CEACAM5: variants seen among roughly 807,000 people sequenced by gnomAD.
CEACAM5 encodes cell adhesion molecule CEACAM5.
In CEACAM5, 52 loss-of-function variants were observed where a neutral mutation model predicts 63.0. The ratio of observed to expected loss-of-function variants is 0.83; its 90% CI spans 0.66 to 1.04. CEACAM5 has a LOEUF of 1.04. Among genes scored for constraint, CEACAM5 ranks in the 50% least tolerant of loss-of-function variants. The pLI, the probability that CEACAM5 is intolerant of heterozygous loss-of-function variation, is 0.00. For synonymous variants in CEACAM5, 357 were observed against 351.3 expected (o/e 1.02, Z -0.18); for missense variants, 790 against 864.8 (o/e 0.91, Z 1.08).
At chr19:41,720,878 T>C (rs1204985919) in intron 7 of CEACAM5, 44 bp from the exon 8 acceptor site, 3 of 1,606,518 alleles carry the variant, frequency 1.9e-6, no homozygotes, top group Non-Finnish European at 2.6e-6. Context: ...AGCTTCCCCT[T>C]TCCTCTGATG....
intron 2 of CEACAM5, among the ~76,000 whole-genome samples, chr19:41,713,248 T>C (rs1261552585): frequency 6.6e-6 from 1 of 151,914 alleles, no homozygotes; most frequent in Non-Finnish European, 1.5e-5. Flanking sequence ...GAGGTTGCAG[T>C]GAGCTGAGAT....
At chr19:41,728,693 A>T (rs556584662) in intron 9 of CEACAM5, among the ~76,000 whole-genome samples, 21 of 149,488 alleles carry the variant, frequency 1.4e-4, no homozygotes, top group Middle Eastern at 6.8e-3. Context: ...AGGCTGAGGC[A>T]GGAGAATCGC....
intron 8 of CEACAM5, among the ~76,000 whole-genome samples, chr19:41,722,886 C>CT (rs1168806853): frequency 8.6e-5 from 13 of 151,022 alleles, no homozygotes; most frequent in African/African-American, 1.5e-4. Context: ...AATGTTAATT[C>CT]TTTTTTTTGT....
intron 2 of CEACAM5, among the ~76,000 whole-genome samples, chr19:41,712,057 C>T (rs1472365065): frequency 1.3e-5 from 2 of 152,096 alleles, no homozygotes; most frequent in South Asian, 2.1e-4. Flanking sequence ...GGCAGCAGGA[C>T]GGGAATGAGC....
Position 41,729,166 on chromosome 19 carries a change from A to G in CEACAM5, c.*37-18A>G, listed in dbSNP as rs1208124101. ...CAGATTTTTAACTGTACTCATTTTA[A>G]ATCTTTGTCATTCACAGACAGTTGT... On this transcript the variant is annotated intron_variant, in intron 9 of 9. Coordinates refer to ENST00000221992, the MANE Select transcript of CEACAM5 (RefSeq NM_004363.6). 5.3e-5 allele frequency: 8 copies of G among 152,168 alleles called. No individual in the cohort carries two copies. The highest frequency in any genetic ancestry group is 1.9e-4 in the African/African-American group (8 of 41,442). The allele number at this position is 152,168 out of a possible 1,614,324, so 9.4% of individuals were successfully genotyped here.
chr19:41,715,885 C>A lies in CEACAM5; in HGVS notation c.939C>A (p.Val313=). 1 of 1,614,102 alleles carries A rather than the reference C, an allele frequency of 6.2e-7. No individual in the cohort carries two copies. The highest frequency in any genetic ancestry group is 8.5e-7 in the Non-Finnish European group (1 of 1,179,956). The change falls in exon 4 of 10, where the codon GTC becomes GTA. Residue 313 remains valine, a synonymous_variant. Coordinates refer to ENST00000221992, the MANE Select transcript of CEACAM5 (RefSeq NM_004363.6). ...NSDTGLNRTT[V]TTITVYAEPP... ...ACACTGGCCTCAATAGGACCACAGT[C>A]ACGACGATCACAGTCTATGGTAAGT...
In CEACAM5 at chr19:41,718,257, A is replaced by G. The variant is rs557404221; in HGVS notation, c.1367A>G (p.Gln456Arg). The G allele has an allele frequency of 1.8e-5, 29 of 1,614,232 alleles. No individual in the cohort carries two copies. The South Asian group carries it at 3.1e-4, about 17-fold the overall frequency. The change falls in exon 6 of 10, where the codon CAG becomes CGG. Residue 456 changes from glutamine to arginine, a missense_variant. By Grantham distance (43) the Gln-to-Arg change is conservative. Transcript: ENST00000221992. ...QYSWLIDGNI[Q>R]QHTQELFISN... ...TCTTGGCTGATTGATGGGAACATCC[A>G]GCAACACACACAAGAGCTCTTTATC... is the stretch of plus-strand genomic sequence containing the variant.
At chr19:41,727,166 G>A in intron 8 of CEACAM5, 68 bp from the exon 9 acceptor site, 1 of 1,165,676 alleles carries the variant, frequency 8.6e-7, no homozygotes, top group East Asian at 2.3e-5. Flanking sequence ...GCTGGAACCT[G>A]GGGCACCCCA....
At chr19:41,727,674 G>T (rs2122849943) in intron 9 of CEACAM5, among the ~76,000 whole-genome samples, 1 of 152,146 alleles carries the variant, frequency 6.6e-6, no homozygotes, top group Middle Eastern at 3.4e-3. Context: ...CTCAACAACT[G>T]CTCAAAGTCC....
rs868989731 is a variant in CEACAM5, at chr19:41,715,017, G to A, written c.471G>A (p.Val157=). Residue 157 remains valine, a synonymous_variant, in exon 3 of 10, where the codon GTG becomes GTA. Transcript: ENST00000221992. ...PSISSNNSKP[V]EDKDAVAFTC... is the part of the protein sequence containing the mutation. ...TCTCCAGCAACAACTCCAAACCCGTGGAGGACAAGGATGCTGTGGCCTTCA... is the reference window on the plus strand; with the variant it reads ...TCTCCAGCAACAACTCCAAACCCGTAGAGGACAAGGATGCTGTGGCCTTCA... 1 of 1,614,210 alleles carries A rather than the reference G, an allele frequency of 6.2e-7. No homozygotes were observed. Among genetic ancestry groups the A allele is most frequent in the South Asian group, 1.1e-5 (1 of 91,086 alleles).
rs782667351 is a variant in CEACAM5, at chr19:41,709,942, C to G, written c.327C>G (p.Ile109Met). The change falls in exon 2 of 10, where the codon ATC becomes ATG. Residue 109 changes from isoleucine to methionine, a missense_variant. Ile to Met is a conservative substitution (Grantham distance 10). Coordinates refer to ENST00000221992, the MANE Select transcript of CEACAM5 (RefSeq NM_004363.6). ...TATACCCCAATGCATCCCTGCTGAT[C>G]CAGAACATCATCCAGAATGACACAG... ...EIIYPNASLL[I>M]QNIIQNDTGF... The G allele has an allele frequency of 3.1e-6, 5 of 1,614,122 alleles. No individual in the cohort carries two copies. Among genetic ancestry groups the G allele is most frequent in the African/African-American group, 2.7e-5 (2 of 75,040 alleles).
At chr19:41,711,068 T>C (rs1555813979) in intron 2 of CEACAM5, among the ~76,000 whole-genome samples, 2 of 152,098 alleles carry the variant, frequency 1.3e-5, no homozygotes, top group Admixed American at 1.3e-4. Context: ...GGGCTGTTTG[T>C]TGTTAGGCAT....
intron 9 of CEACAM5, among the ~76,000 whole-genome samples, chr19:41,728,786 C>CAAAAAAAAAAAAAAAAAAAAA (rs55647539): frequency 6.8e-5 from 5 of 73,298 alleles, no homozygotes; most frequent in African/African-American, 2.3e-4. Context: ...GACTCCGTCT[C>CAAAAAAAAAAAAAAAAAAAAA]AAAAAAAAAA....
chr19:41,713,077 C>T (rs531212252), intron 2 of CEACAM5, among the ~76,000 whole-genome samples: 11 of 152,172 alleles, frequency 7.2e-5, no homozygotes, highest in South Asian at 2.1e-4. Context: ...GAGGCCAAGG[C>T]GGGAAGATCA....
intron 8 of CEACAM5, among the ~76,000 whole-genome samples, chr19:41,723,876 G>C (rs1184028461): frequency 3.3e-5 from 5 of 150,944 alleles, no homozygotes; most frequent in Non-Finnish European, 5.9e-5. Context: ...ATGAACCCAG[G>C]AGGCATAGCT....
chr19:41,722,347 G>C (rs1213231902), intron 8 of CEACAM5, among the ~76,000 whole-genome samples: 1 of 133,024 alleles, frequency 7.5e-6, no homozygotes, highest in African/African-American at 2.9e-5. Flanking sequence ...CTGGGTGACA[G>C]AGTGAGACTA....
Position 41,722,295 on chromosome 19 carries a change from T to A in CEACAM5, c.2026+1119T>A, listed in dbSNP as rs4803503. Among the ~76,000 whole-genome samples, 4 of 147,688 alleles carry A rather than the reference T, an allele frequency of 2.7e-5. No individual in the cohort carries two copies. The East Asian group carries it at 6.0e-4, about 22-fold the overall frequency. On this transcript the variant is annotated intron_variant, in intron 8 of 9. Transcript: ENST00000221992. ...AGGAGAATCGCTCGAACCTGGGCGG[T>A]GTAGTTTGCAGTGAGCCGAGATTGA...
intron 8 of CEACAM5, among the ~76,000 whole-genome samples, chr19:41,724,639 C>T (rs1367530895): frequency 2.0e-5 from 3 of 152,112 alleles, no homozygotes; most frequent in Non-Finnish European, 4.4e-5. Context: ...TCTTTAATTT[C>T]CTTCAGCAGT....
chr19:41,715,879 C>A lies in CEACAM5; in HGVS notation c.933C>A (p.Thr311=), dbSNP rs1336765379. 1 of 1,614,020 alleles carries A rather than the reference C, an allele frequency of 6.2e-7. No homozygotes were observed. Among genetic ancestry groups the A allele is most frequent in the African/African-American group, 1.3e-5 (1 of 74,916 alleles). The change falls in exon 4 of 10, where the codon ACC becomes ACA. Residue 311 remains threonine (T), a synonymous_variant. Transcript: ENST00000221992. ...AHNSDTGLNR[T]TVTTITVYAE... is the part of the protein sequence containing the mutation. Reference sequence around the variant, plus strand: ...ACTCAGACACTGGCCTCAATAGGACCACAGTCACGACGATCACAGTCTATG... The same window carrying A: ...ACTCAGACACTGGCCTCAATAGGACAACAGTCACGACGATCACAGTCTATG...
Sources: gnomAD v4.1 joint callset for allele counts (sites outside exome capture counted in the v4.1 genomes callset) on GRCh38, gnomAD v4.1.1 for gene constraint, MANE v1.5 for transcripts, NCBI Gene and HGNC (gene_info 2026-07-23, HGNC 2026-07-21) for gene names.